Variants in NAALADL2 observed in about 807,000 individuals in gnomAD.
The protein encoded by NAALADL2 is inactive N-acetylated-alpha-linked acidic dipeptidase-like protein 2.
Under a neutral mutation model 87.2 loss-of-function variants are expected in NAALADL2, and 76 were observed. The observed-to-expected ratio is 0.87, with a 90% confidence interval of 0.72 to 1.05. NAALADL2 has a LOEUF of 1.05. Among genes scored for constraint, NAALADL2 ranks in the 50% least tolerant of loss-of-function variants. The pLI is 0.00. For synonymous variants in NAALADL2, 354 were observed against 331.0 expected (o/e 1.07, Z -0.75); for missense variants, 1,089 against 945.8 (o/e 1.15, Z -1.99).
Position 175,611,592 on chromosome 3 carries a change from G to A in NAALADL2, c.1801-15699G>A, listed in dbSNP as rs114384510. On this transcript the variant is annotated intron_variant, in intron 10 of 13. Coordinates refer to ENST00000454872, the MANE Select transcript of NAALADL2 (RefSeq NM_207015.3). The stretch of plus-strand genomic sequence containing the variant: ...ATTGTTTGAAAAGTAGAACATCAAT[G>A]TCTTTTTAATTTCACTGTCATTAAA... Among the ~76,000 whole-genome samples the A allele has an allele frequency of 6.0e-3, 911 of 152,090 alleles. 6 individuals carry two copies. The highest frequency in any genetic ancestry group is 0.021 in the African/African-American group (856 of 41,526).
At chr3:174,878,601 A>G (rs1004583862) in intron 1 of NAALADL2, among the ~76,000 whole-genome samples, 10 of 152,054 alleles carry the variant, frequency 6.6e-5, no homozygotes, top group African/African-American at 2.4e-4. Flanking sequence ...ATTTATGGAG[A>G]TGAAATGATT....
chr3:174,801,560 G>A (rs973231174), intron 3 of NAALADL2, among the ~76,000 whole-genome samples: 1 of 152,118 alleles, frequency 6.6e-6, no homozygotes, highest in South Asian at 2.1e-4. Flanking sequence ...TGATCTTGGA[G>A]AAAAGCATTT....
At chr3:175,414,922 G>A (rs899468249) in intron 5 of NAALADL2, among the ~76,000 whole-genome samples, 6 of 152,068 alleles carry the variant, frequency 3.9e-5, no homozygotes, top group Admixed American at 1.3e-4. Flanking sequence ...TCTCCTTCTG[G>A]GACACTATGT....
At chr3:174,964,947 G>C (rs1038791245) in intron 1 of NAALADL2, among the ~76,000 whole-genome samples, 3 of 151,780 alleles carry the variant, frequency 2.0e-5, no homozygotes, top group African/African-American at 7.3e-5. Flanking sequence ...AATGAAAATG[G>C]GAGGAGGTGG....
chr3:175,134,363 G>C (rs566185048), intron 2 of NAALADL2, among the ~76,000 whole-genome samples: 1 of 152,280 alleles, frequency 6.6e-6, no homozygotes, highest in South Asian at 2.1e-4. Context: ...TCCTGAAAGT[G>C]TGATGATACT....
intron 11 of NAALADL2, among the ~76,000 whole-genome samples, chr3:175,722,116 G>T (rs1742321733): frequency 6.6e-6 from 1 of 151,890 alleles, no homozygotes; most frequent in African/African-American, 2.4e-5. Flanking sequence ...TCCCAGTTCT[G>T]GTCTTGCCAA....
chr3:175,737,942 T>G (rs2150084853), intron 12 of NAALADL2, among the ~76,000 whole-genome samples: 1 of 152,142 alleles, frequency 6.6e-6, no homozygotes, highest in South Asian at 2.1e-4. Flanking sequence ...TATATCTCTC[T>G]CAGCAGAATT....
At chr3:175,767,125 T>A (rs910925016) in intron 13 of NAALADL2, among the ~76,000 whole-genome samples, 1 of 152,000 alleles carries the variant, frequency 6.6e-6, no homozygotes, top group Non-Finnish European at 1.5e-5. Context: ...CTCGGAGGAG[T>A]ACATGATTTG....
chr3:174,867,894 C>T (rs1170489178), intron 1 of NAALADL2, among the ~76,000 whole-genome samples: 1 of 151,992 alleles, frequency 6.6e-6, no homozygotes, highest in Non-Finnish European at 1.5e-5. Flanking sequence ...CTCATTTTCT[C>T]TAGTTCTGTG....
chr3:174,952,042 T>C (rs1000981012), intron 1 of NAALADL2, among the ~76,000 whole-genome samples: 1 of 152,134 alleles, frequency 6.6e-6, no homozygotes, highest in African/African-American at 2.4e-5. Context: ...GGCAAACTCT[T>C]ATTCATTTCC....
Position 175,096,988 on chromosome 3 carries a change from A to G in NAALADL2, c.242A>G (p.Asp81Gly). ...AACCTAGGGCATTCAGAGACTATAGACCTCAATCTTGATTCCATTCAACCA... is the reference window on the plus strand; with the variant it reads ...AACCTAGGGCATTCAGAGACTATAGGCCTCAATCTTGATTCCATTCAACCA... ...NQNLGHSETIDLNLDSIQPAT... is the reference protein window; with the variant it reads ...NQNLGHSETIGLNLDSIQPAT... The change falls in exon 2 of 14, where the codon GAC (aspartate) becomes GGC (glycine). Residue 81 changes from aspartate to glycine, a missense_variant. By Grantham distance (94) the Asp-to-Gly change is moderately conservative (BLOSUM62 -1). Coordinates refer to ENST00000454872, the MANE Select transcript of NAALADL2 (RefSeq NM_207015.3). 6.2e-7 allele frequency: 1 copy of G among 1,613,422 alleles called. No homozygotes were observed. Among genetic ancestry groups the G allele is most frequent in the African/African-American group, 1.3e-5 (1 of 74,988 alleles).
At chr3:175,088,045 A>G (rs1344153625) in intron 1 of NAALADL2, among the ~76,000 whole-genome samples, 2 of 152,222 alleles carry the variant, frequency 1.3e-5, no homozygotes, top group Admixed American at 6.5e-5. Context: ...AGGAAAATAT[A>G]ATAATTCACT....
intron 12 of NAALADL2, among the ~76,000 whole-genome samples, chr3:175,754,013 G>C (rs1249152541): frequency 2.0e-5 from 3 of 152,134 alleles, no homozygotes; most frequent in Non-Finnish European, 4.4e-5. Context: ...ACCAGTAATT[G>C]TTGTCTCACT....
intron 2 of NAALADL2, among the ~76,000 whole-genome samples, chr3:174,661,420 C>T (rs565179158): frequency 2.6e-5 from 4 of 152,048 alleles, no homozygotes; most frequent in Non-Finnish European, 5.9e-5. Context: ...CCTGATACAC[C>T]CAAGGGATAA....
intron 9 of NAALADL2, among the ~76,000 whole-genome samples, chr3:175,503,590 T>C (rs1729855468): frequency 6.6e-6 from 1 of 152,156 alleles, no homozygotes; most frequent in South Asian, 2.1e-4. Flanking sequence ...CTCACTAGTA[T>C]GTGTTATTTT....
chr3:174,668,368 CTTAT>C (rs1236135035), intron 2 of NAALADL2, among the ~76,000 whole-genome samples: 2 of 151,946 alleles, frequency 1.3e-5, no homozygotes, highest in Non-Finnish European at 2.9e-5. Context: ...TTGATGTAGT[CTTAT>C]TTGTCTATTT....
rs375214696 is a variant in NAALADL2 at position 175,288,229 on chromosome 3, A to G, written c.939+31699A>G. On this transcript the variant is annotated intron_variant, in intron 4 of 13. Transcript: ENST00000454872. The stretch of plus-strand genomic sequence containing the variant: ...AAATTTGATGTCCCAGTTTAAAAGT[A>G]GTCAAGCAGGAAGAATCCTCTCTTA... Among the ~76,000 whole-genome samples, 762 of 152,258 alleles carry G rather than the reference A, an allele frequency of 5.0e-3. 9 individuals carry two copies. The highest frequency in any genetic ancestry group is 0.018 in the African/African-American group (728 of 41,538).
At chr3:175,778,815 T>C (rs79868037) in intron 13 of NAALADL2, among the ~76,000 whole-genome samples, 12,007 of 152,140 alleles carry the variant, frequency 0.079, 510 homozygotes, top group Middle Eastern at 0.13. Flanking sequence ...GCTTGTCTTG[T>C]ACGGGTAAGG....
At chr3:174,897,502 A>G (rs181637543) in intron 1 of NAALADL2, among the ~76,000 whole-genome samples, 74 of 152,286 alleles carry the variant, frequency 4.9e-4, no homozygotes, top group Middle Eastern at 3.4e-3. Context: ...ATTATATCCA[A>G]AAGACAGGCA....
Sources: allele counts gnomAD v4.1 joint callset (sites outside exome capture counted in the v4.1 genomes callset), GRCh38; gene constraint gnomAD v4.1.1; transcripts MANE v1.5; gene names NCBI Gene and HGNC (gene_info 2026-07-23, HGNC 2026-07-21).